Variants in COBLL1 observed in about 807,000 individuals in gnomAD.
COBLL1 encodes the protein cordon-bleu protein-like 1.
In COBLL1, 50 loss-of-function variants were observed where a neutral mutation model predicts 94.8. That is an observed-to-expected ratio of 0.53 (90% CI 0.42 to 0.67). The LOEUF is 0.67. Ranked by LOEUF, COBLL1 falls within the 30% of genes least tolerant of loss-of-function variation. The probability of loss-of-function intolerance (pLI) is 0.00; values close to 1 mark genes in which losing one functional copy is unlikely to be tolerated. For missense variants in COBLL1, 1,362 were observed against 1,348.7 expected (o/e 1.01, Z -0.15); for synonymous variants, 448 against 473.8 (o/e 0.95, Z 0.71).
chr2:164,696,429 A>G (rs906157634), intron 11 of COBLL1: 1 of 152,090 alleles, frequency 6.6e-6, no homozygotes, highest in African/African-American at 2.4e-5. Flanking sequence ...ATCTCAGTTG[A>G]TTGTCTTGTT....
chr2:164,755,917 T>C (rs917676613), intron 2 of COBLL1, among the ~76,000 whole-genome samples: 3 of 152,342 alleles, frequency 2.0e-5, no homozygotes, highest in East Asian at 3.9e-4. Context: ...TTCTGCCTCA[T>C]GCTTAGTTAT....
rs775312261 is a variant in COBLL1, at chr2:164,695,667, A to T, written c.1725T>A (p.Ser575Arg). 1 of 1,613,746 alleles carries T rather than the reference A, an allele frequency of 6.2e-7. No homozygotes were observed. The highest frequency in any genetic ancestry group is 1.7e-5 in the Admixed American group (1 of 59,972). ...AAGCTGCTAGATGGTTTTCCTTGTA[A>T]CTTATAGCAGTATCAGTTTCATGTG... Reference protein sequence around the residue: ...SEAHETDTAISYKENHLAASS... With the variant: ...SEAHETDTAIRYKENHLAASS... Residue 575 changes from serine (S) to arginine (R), a missense_variant, in exon 12 of 14, where the codon AGT becomes AGA. Transcript: ENST00000652658.
At chr2:164,792,170 C>G (rs1418262635) in intron 2 of COBLL1, among the ~76,000 whole-genome samples, 1 of 151,592 alleles carries the variant, frequency 6.6e-6, no homozygotes, top group African/African-American at 2.4e-5. Flanking sequence ...ACTCTGTGGC[C>G]CAGGCTGGAG....
chr2:164,707,632 T>A (rs1684673087), intron 7 of COBLL1, among the ~76,000 whole-genome samples: 1 of 152,182 alleles, frequency 6.6e-6, no homozygotes, highest in Admixed American at 6.5e-5. Flanking sequence ...ACTATTTCAC[T>A]CACTGCTGTA....
intron 11 of COBLL1, chr2:164,697,917 CAA>C (rs1684038799): frequency 6.6e-6 from 1 of 151,860 alleles, no homozygotes; most frequent in African/African-American, 2.4e-5. Flanking sequence ...ACCCTCTACT[CAA>C]AAGTGACACT....
chr2:164,697,916 T>G (rs1684038509), intron 11 of COBLL1: 1 of 152,060 alleles, frequency 6.6e-6, no homozygotes, highest in Admixed American at 6.6e-5. Flanking sequence ...GACCCTCTAC[T>G]CAAAAGTGAC....
intron 2 of COBLL1, among the ~76,000 whole-genome samples, chr2:164,786,951 AC>A (rs1252755582): frequency 1.3e-5 from 2 of 152,074 alleles, no homozygotes; most frequent in African/African-American, 4.8e-5. Flanking sequence ...GCCTCCACAG[AC>A]CAGGGAAAGG....
At chr2:164,754,400 G>A (rs1553474825) in intron 2 of COBLL1, among the ~76,000 whole-genome samples, 4 of 152,114 alleles carry the variant, frequency 2.6e-5, no homozygotes, top group Non-Finnish European at 4.4e-5. Flanking sequence ...ATTAGGTTAC[G>A]AAAAGACCAT....
At chr2:164,734,710 T>C (rs1391280865) in intron 3 of COBLL1, among the ~76,000 whole-genome samples, 1 of 152,108 alleles carries the variant, frequency 6.6e-6, no homozygotes, top group Non-Finnish European at 1.5e-5. Context: ...AAAGAGGAGC[T>C]AGCCAGTGGA....
At chr2:164,729,889 T>C in intron 4 of COBLL1, 25 bp downstream of exon 4, 2 of 1,581,014 alleles carry the variant, frequency 1.3e-6, no homozygotes, top group South Asian at 2.2e-5. Flanking sequence ...GAATAAGACA[T>C]CAAAATATAT....
At chr2:164,752,974 A>G (rs546905576) in intron 2 of COBLL1, among the ~76,000 whole-genome samples, 1 of 152,338 alleles carries the variant, frequency 6.6e-6, no homozygotes, top group South Asian at 2.1e-4. Context: ...TGGAGACAAG[A>G]TAGTTAGGAC....
At chr2:164,711,732 C>A (rs1049944723) in intron 7 of COBLL1, among the ~76,000 whole-genome samples, 2 of 152,156 alleles carry the variant, frequency 1.3e-5, no homozygotes, top group Non-Finnish European at 2.9e-5. Flanking sequence ...CAAACATTTA[C>A]TTTGTTCAAA....
intron 2 of COBLL1, among the ~76,000 whole-genome samples, chr2:164,788,280 T>C (rs1682983263): frequency 1.3e-5 from 2 of 152,184 alleles, no homozygotes; most frequent in African/African-American, 4.8e-5. Flanking sequence ...GAGAAAGAGA[T>C]TTTCTTTTCT....
chr2:164,801,925 G>A (rs1199732365), intron 2 of COBLL1, among the ~76,000 whole-genome samples: 1 of 152,180 alleles, frequency 6.6e-6, no homozygotes, highest in Non-Finnish European at 1.5e-5. Context: ...GACAGAACCA[G>A]TCATTTGAAT....
At chr2:164,802,157 A>T (rs1559030296) in intron 2 of COBLL1, among the ~76,000 whole-genome samples, 1 of 152,214 alleles carries the variant, frequency 6.6e-6, no homozygotes, top group African/African-American at 2.4e-5. Context: ...AGATTCATAA[A>T]TAATTGCTAG....
intron 2 of COBLL1, among the ~76,000 whole-genome samples, chr2:164,820,606 C>CA (rs1264494278): frequency 7.2e-5 from 11 of 152,134 alleles, no homozygotes; most frequent in Admixed American, 3.9e-4. Flanking sequence ...TCTGAAATAA[C>CA]AAAATAGTAA....
chr2:164,720,133 T>C (rs1417425465), intron 7 of COBLL1, among the ~76,000 whole-genome samples: 1 of 152,160 alleles, frequency 6.6e-6, no homozygotes, highest in East Asian at 1.9e-4. Context: ...AAATAAAAAA[T>C]GGTTCTTCAG....
intron 3 of COBLL1, among the ~76,000 whole-genome samples, chr2:164,735,563 G>T (rs189430686): frequency 8.4e-4 from 128 of 151,934 alleles, no homozygotes; most frequent in African/African-American, 2.4e-3. Context: ...TACCATAAAG[G>T]AGTCATAACA....
In COBLL1 at chr2:164,743,699, G is replaced by A. The variant is rs1196950419; in HGVS notation, c.218C>T (p.Thr73Ile). The change falls in exon 3 of 14, where the codon ACT becomes ATT. Residue 73 changes from threonine to isoleucine, a missense_variant. By Grantham distance (89) the Thr-to-Ile change is moderately conservative (BLOSUM62 -1). Transcript: ENST00000652658. Reference sequence around the variant, plus strand: ...TACTCCAGCGTACCTGCCATGAACAGTAGTAGATTTGATAATATCCCCAGG... The same window carrying A: ...TACTCCAGCGTACCTGCCATGAACAATAGTAGATTTGATAATATCCCCAGG... ...VLPGDIIKST[T>I]VHGSKPMMDL... 2 of 1,612,908 alleles carry A rather than the reference G, an allele frequency of 1.2e-6. No homozygotes were observed. Among genetic ancestry groups the A allele is most frequent in the East Asian group, 2.2e-5 (1 of 44,824 alleles).
Sources: gnomAD v4.1 joint callset for allele counts (sites outside exome capture counted in the v4.1 genomes callset) on GRCh38, gnomAD v4.1.1 for gene constraint, MANE v1.5 for transcripts, NCBI Gene and HGNC (gene_info 2026-07-23, HGNC 2026-07-21) for gene names.